The following FERMT2 variants were observed in gnomAD, a reference collection of about 807,000 sequenced individuals.
The protein encoded by FERMT2 is FERM domain containing kindlin 2, also known as fermitin family homolog 2.
In FERMT2, 15 loss-of-function variants were observed where a neutral mutation model predicts 82.7. The observed-to-expected ratio is 0.18, with a 90% CI of 0.12 to 0.28. The LOEUF (loss-of-function observed/expected upper bound fraction) is 0.28, where lower values mean the gene tolerates loss of function less well. FERMT2 is among the 10% of genes least tolerant of loss of function. The pLI, the probability that FERMT2 is intolerant of heterozygous loss-of-function variation, is 1.00. For missense variants in FERMT2, 645 were observed against 809.4 expected, an observed-to-expected ratio of 0.80 and a Z score of 2.46; for synonymous variants, 274 against 271.5, an observed-to-expected ratio of 1.01 and a Z score of -0.09.
chr14:52,924,989 G>A (rs1889171593), intron 2 of FERMT2, among the ~76,000 whole-genome samples: 1 of 152,108 alleles, frequency 6.6e-6, no homozygotes, highest in African/African-American at 2.4e-5. Flanking sequence ...CCCTCAAACA[G>A]GCAAAGCAAT....
At chr14:52,910,722 G>C (rs150323342) in intron 3 of FERMT2, among the ~76,000 whole-genome samples, 71 of 152,234 alleles carry the variant, frequency 4.7e-4, no homozygotes, top group African/African-American at 1.6e-3. Context: ...AGCAAAAGTA[G>C]GTTATTTCCC....
intron 6 of FERMT2, among the ~76,000 whole-genome samples, chr14:52,880,161 G>A (rs76291740): frequency 0.028 from 4,234 of 152,188 alleles, 154 homozygotes; most frequent in African/African-American, 0.072. Context: ...GGGAGGCGAC[G>A]TGGGAGAATG....
chr14:52,880,983 G>T, intron 6 of FERMT2, 53 bp downstream of exon 6: 1 of 1,163,274 alleles, frequency 8.6e-7, no homozygotes, highest in Non-Finnish European at 1.2e-6. Context: ...ACATCCATGT[G>T]AACAAAACAA....
At chr14:52,930,384 C>A (rs546666445) in intron 2 of FERMT2, among the ~76,000 whole-genome samples, 17 of 152,290 alleles carry the variant, frequency 1.1e-4, no homozygotes, top group African/African-American at 4.1e-4. Context: ...CAATAAATTA[C>A]CCAACCAAAA....
At chr14:52,878,821 T>A in intron 6 of FERMT2, 132 bp from the exon 7 acceptor site, 1 of 537,932 alleles carries the variant, frequency 1.9e-6, no homozygotes, top group Non-Finnish European at 3.2e-6. Flanking sequence ...AGCAAGAATT[T>A]TTATTTACAA....
chr14:52,891,854 T>C lies in FERMT2; in HGVS notation c.526+1439A>G, dbSNP rs147536570. Among the ~76,000 whole-genome samples the C allele has an allele frequency of 3.1e-3, 479 of 152,266 alleles. 5 individuals carry two copies. Among genetic ancestry groups the C allele is most frequent in the African/African-American group, 0.011 (446 of 41,554 alleles). On this transcript the variant is annotated intron_variant, in intron 4 of 14. Coordinates refer to ENST00000341590, the MANE Select transcript of FERMT2 (RefSeq NM_006832.3). ...TAAAGAACAATATAACCTAATTAAT[T>C]AGCCACTTAGCTTCCCAACAGACAT... is the stretch of plus-strand genomic sequence containing the variant.
chr14:52,878,100 T>C (rs1202399474), intron 7 of FERMT2, among the ~76,000 whole-genome samples: 4 of 152,170 alleles, frequency 2.6e-5, no homozygotes, highest in Non-Finnish European at 5.9e-5. Flanking sequence ...ATTATCATTG[T>C]AGAAAAAGGT....
At chr14:52,885,077 C>T (rs1345835485) in intron 4 of FERMT2, among the ~76,000 whole-genome samples, 1 of 151,902 alleles carries the variant, frequency 6.6e-6, no homozygotes. Context: ...CTTTGAGAGG[C>T]CAAGGCGGGT....
At chr14:52,923,925 G>T (rs1889106108) in intron 2 of FERMT2, among the ~76,000 whole-genome samples, 1 of 152,214 alleles carries the variant, frequency 6.6e-6, no homozygotes, top group African/African-American at 2.4e-5. Flanking sequence ...AGTGTTAGAA[G>T]ATGGGTAAGC....
chr14:52,913,215 A>G (rs904897116), intron 3 of FERMT2, among the ~76,000 whole-genome samples: 5 of 152,186 alleles, frequency 3.3e-5, no homozygotes, highest in South Asian at 4.1e-4. Flanking sequence ...CTTTAGGTGG[A>G]TATTTAAACA....
intron 2 of FERMT2, among the ~76,000 whole-genome samples, 162 bp downstream of exon 2, chr14:52,950,250 A>T (rs1489697448): frequency 6.6e-6 from 1 of 152,204 alleles, no homozygotes; most frequent in Non-Finnish European, 1.5e-5. Flanking sequence ...CGCAAAGGGG[A>T]ACAGGTCTAT....
At chr14:52,947,062 G>C (rs1275213509) in intron 2 of FERMT2, among the ~76,000 whole-genome samples, 1 of 152,142 alleles carries the variant, frequency 6.6e-6, no homozygotes, top group Non-Finnish European at 1.5e-5. Flanking sequence ...CCTAGACTAA[G>C]TCACAAATGC....
chr14:52,950,571 C>G lies in FERMT2; in HGVS notation c.-3G>C. On this transcript the variant is annotated 5_prime_UTR_variant, in exon 2 of 15. Coordinates refer to ENST00000341590, the MANE Select transcript of FERMT2 (RefSeq NM_006832.3). ...ATCCTTATCCCGTCCAGAGCCATGG[C>G]TCCTTCCTGCGAGCGCGGAGGAAAT... 6.2e-7 allele frequency: 1 copy of G among 1,611,950 alleles called. No individual in the cohort carries two copies.
intron 2 of FERMT2, among the ~76,000 whole-genome samples, chr14:52,947,669 G>A (rs1022455295): frequency 3.3e-5 from 5 of 152,114 alleles, no homozygotes; most frequent in Non-Finnish European, 5.9e-5. Context: ...CTTATGTCGT[G>A]CTTAATTAAA....
chr14:52,906,099 G>A (rs1474869046), intron 3 of FERMT2, among the ~76,000 whole-genome samples: 2 of 152,330 alleles, frequency 1.3e-5, no homozygotes, highest in East Asian at 3.9e-4. Context: ...CTATGGGCAG[G>A]GGAGGGGCGC....
intron 10 of FERMT2, among the ~76,000 whole-genome samples, chr14:52,867,190 T>A (rs1463507739): frequency 6.6e-6 from 1 of 151,994 alleles, no homozygotes; most frequent in Non-Finnish European, 1.5e-5. Flanking sequence ...ACCACCTGCC[T>A]TGGTCTCCCA....
chr14:52,864,937 A>T, intron 10 of FERMT2, 84 bp from the exon 11 acceptor site: 1 of 798,990 alleles, frequency 1.3e-6, no homozygotes, highest in Non-Finnish European at 2.1e-6. Context: ...ATTCTGTGGC[A>T]TCTTAACATG....
At chr14:52,866,296 C>T (rs1210963019) in intron 10 of FERMT2, among the ~76,000 whole-genome samples, 1 of 152,140 alleles carries the variant, frequency 6.6e-6, no homozygotes, top group Non-Finnish European at 1.5e-5. Flanking sequence ...TAGTGTACAT[C>T]TGAAAGATGA....
intron 12 of FERMT2, chr14:52,861,237 A>G (rs899834682): frequency 3.6e-6 from 2 of 555,264 alleles, no homozygotes; most frequent in African/African-American, 3.9e-5. Context: ...AGCAGCAATT[A>G]CTTTCCATTT....
Sources: gnomAD v4.1 joint callset for allele counts (sites outside exome capture counted in the v4.1 genomes callset) on GRCh38, gnomAD v4.1.1 for gene constraint, MANE v1.5 for transcripts, NCBI Gene and HGNC (gene_info 2026-07-23, HGNC 2026-07-21) for gene names.